Variants in WBP2 observed in about 807,000 individuals in gnomAD.
WBP2 encodes WW domain binding protein 2.
Under a neutral mutation model 33.0 loss-of-function variants are expected in WBP2, and 23 were observed. The ratio of observed to expected loss-of-function variants is 0.70; its 90% CI spans 0.50 to 0.99. The LOEUF is 0.99. Among genes scored for constraint, WBP2 ranks in the 50% least tolerant of loss-of-function variants. WBP2 has a pLI of 0.00. For missense variants in WBP2, 353 were observed against 358.0 expected, an observed-to-expected ratio of 0.99 and a Z score of 0.11; for synonymous variants, 153 against 133.5, an observed-to-expected ratio of 1.15 and a Z score of -1.01.
intron 5 of WBP2, 93 bp downstream of exon 5, chr17:75,847,703 G>C: frequency 6.3e-7 from 1 of 1,578,702 alleles, no homozygotes; most frequent in Non-Finnish European, 8.6e-7. Flanking sequence ...CGTTGGTCCT[G>C]AAGCAGCTCA....
chr17:75,853,028 G>A (rs1019421227), intron 1 of WBP2, among the ~76,000 whole-genome samples: 12 of 151,990 alleles, frequency 7.9e-5, no homozygotes, highest in South Asian at 6.2e-4. Flanking sequence ...GAAGAGTAAC[G>A]TTCACTATTT....
chr17:75,847,895 A>T lies in WBP2; in HGVS notation c.433T>A (p.Tyr145Asn), dbSNP rs565473912. ...TAGGCCCCGCTGGGCATGTAAGAGTAGCCATAGGCTCCACTGGGGACTTCA... is the reference window on the plus strand; with the variant it reads ...TAGGCCCCGCTGGGCATGTAAGAGTTGCCATAGGCTCCACTGGGGACTTCA... Reference protein sequence around the residue: ...RGEVPSGAYGYSYMPSGAYVY... With the variant: ...RGEVPSGAYGNSYMPSGAYVY... Residue 145 changes from tyrosine (Y) to asparagine (N), a missense_variant, in exon 5 of 8, where the codon TAC becomes AAC. By Grantham distance (143) the Tyr-to-Asn change is moderately radical (BLOSUM62 -2). Coordinates refer to ENST00000254806, the MANE Select transcript of WBP2 (RefSeq NM_012478.4). The T allele has an allele frequency of 6.4e-7, 1 of 1,560,542 alleles. No individual in the cohort carries two copies. Among genetic ancestry groups the T allele is most frequent in the East Asian group, 2.4e-5 (1 of 41,428 alleles).
At chr17:75,851,544 C>A in intron 2 of WBP2, 24 bp downstream of exon 2, 1 of 1,578,184 alleles carries the variant, frequency 6.3e-7, no homozygotes, top group South Asian at 1.1e-5. Context: ...GCCTCTCAAC[C>A]AACTGCCCTG....
chr17:75,853,045 T>C (rs965872067), intron 1 of WBP2, among the ~76,000 whole-genome samples: 3 of 152,276 alleles, frequency 2.0e-5, no homozygotes, highest in African/African-American at 7.2e-5. Flanking sequence ...ATTTTAATTA[T>C]AATTTTTTAT....
rs763952469 is a variant in WBP2, at chr17:75,847,817, G to T, written c.511C>A (p.Pro171Thr). ...TCACCAGGTGGGGGCGGTGGATAGGGGTAGCCAGGAGGGCAGGGGTACATT... is the reference window on the plus strand; with the variant it reads ...TCACCAGGTGGGGGCGGTGGATAGGTGTAGCCAGGAGGGCAGGGGTACATT... Reference protein sequence around the residue: ...NGMYPCPPGYPYPPPPPEFYP... With the variant: ...NGMYPCPPGYTYPPPPPEFYP... Residue 171 changes from proline to threonine, a missense_variant, in exon 5 of 8, where the codon CCC becomes ACC. Physicochemically the swap from Pro to Thr is conservative, Grantham distance 38. Coordinates refer to ENST00000254806, the MANE Select transcript of WBP2 (RefSeq NM_012478.4). 3 of 1,558,718 alleles carry T rather than the reference G, an allele frequency of 1.9e-6. No individual in the cohort carries two copies. In the East Asian group the frequency reaches 7.2e-5, roughly 37 times the overall value.
Position 75,851,604 on chromosome 17 carries a change from C to G in WBP2, c.132G>C (p.Gly44=). 3 of 1,613,774 alleles carry G rather than the reference C, an allele frequency of 1.9e-6. No individual in the cohort carries two copies. The highest frequency in any genetic ancestry group is 2.5e-6 in the Non-Finnish European group (3 of 1,179,780). ...TAAGGTAGACAGTGCCTTTCTTGGT[C>G]CCTTTGAAGGCTTCTGGCACGTTCT... ...DMKNVPEAFK[G]TKKGTVYLTP... is the part of the protein sequence containing the mutation. Residue 44 remains glycine (G), a synonymous_variant, in exon 2 of 8, where the codon GGG becomes GGC. Coordinates refer to ENST00000254806, the MANE Select transcript of WBP2 (RefSeq NM_012478.4).
rs2037970903 is a variant in WBP2 at position 75,847,000 on chromosome 17, C to T, written c.656-16G>A. ...TTGGCTTCGGCTGTGAGAGCAAACACACCTGGTGTCGGTGACAAGTTCTCC... is the reference window on the plus strand; with the variant it reads ...TTGGCTTCGGCTGTGAGAGCAAACATACCTGGTGTCGGTGACAAGTTCTCC... On this transcript the variant is annotated splice_polypyrimidine_tract_variant and intron_variant, in intron 6 of 7. Coordinates refer to ENST00000254806, the MANE Select transcript of WBP2 (RefSeq NM_012478.4). The surrounding 1 kb of genome is among the most constrained non-coding windows in gnomAD (Gnocchi z 4.8). 14 of 1,613,968 alleles carry T rather than the reference C, an allele frequency of 8.7e-6. No homozygotes were observed. Among genetic ancestry groups the T allele is most frequent in the Non-Finnish European group, 1.1e-5 (13 of 1,179,950 alleles).
chr17:75,850,174 G>C (rs2065019404), intron 2 of WBP2, among the ~76,000 whole-genome samples: 1 of 152,162 alleles, frequency 6.6e-6, no homozygotes, highest in Admixed American at 6.5e-5. Context: ...ATTGAGGGGG[G>C]CTATAAACAG....
intron 2 of WBP2, 137 bp downstream of exon 2, chr17:75,851,431 G>A (rs2065026707): frequency 1.5e-6 from 1 of 653,834 alleles, no homozygotes; most frequent in Admixed American, 2.2e-5. Flanking sequence ...CAGAGAAACA[G>A]GCAGAGTGAA....
In WBP2 at chr17:75,848,438, G is replaced by A; in HGVS notation, c.397+132C>T. 3.8e-6 allele frequency: 3 copies of A among 799,436 alleles called. No individual in the cohort carries two copies. The South Asian group carries it at 4.6e-5, about 12-fold the overall frequency. The allele number at this position is 799,436 out of a possible 1,614,324, so 49.5% of individuals were successfully genotyped here. On this transcript the variant is annotated intron_variant, in intron 4 of 7. Coordinates refer to ENST00000254806, the MANE Select transcript of WBP2 (RefSeq NM_012478.4). ...GACAGCTTTCCTTCCCAACTCCTAG[G>A]CCTGGTCAGCCTGGTGCCCAAACAC... is the stretch of plus-strand genomic sequence containing the variant.
intron 4 of WBP2, 161 bp from the exon 5 acceptor site, chr17:75,848,091 C>T: frequency 2.0e-6 from 2 of 1,003,958 alleles, no homozygotes; most frequent in East Asian, 2.6e-5. Flanking sequence ...CGGGGGGCCA[C>T]CTTGGTCAGG....
At position 75,848,560 on chromosome 17, in the gene WBP2, G is replaced by T; in HGVS notation, c.397+10C>A. 1 of 1,612,898 alleles carries T rather than the reference G, an allele frequency of 6.2e-7. No individual in the cohort carries two copies. The highest frequency in any genetic ancestry group is 8.5e-7 in the Non-Finnish European group (1 of 1,179,176). ...GTGTCTTTAGCCCCTAATCTTCGGA[G>T]CCTGGATACCTTGAGATGCCACCTG... On this transcript the variant is annotated intron_variant, in intron 4 of 7. Coordinates refer to ENST00000254806, the MANE Select transcript of WBP2 (RefSeq NM_012478.4).
At chr17:75,848,036 C>T (rs1261178356) in intron 4 of WBP2, 106 bp from the exon 5 acceptor site, 9 of 1,417,378 alleles carry the variant, frequency 6.3e-6, no homozygotes, top group Non-Finnish European at 8.7e-6. Flanking sequence ...GGAATGTGCC[C>T]CGCAGACATC....
At chr17:75,855,440 C>T (rs2065053118), upstream of WBP2, 1 of 823,218 alleles carries the variant, frequency 1.2e-6, no homozygotes, top group Admixed American at 2.1e-5. Flanking sequence ...ACCCGAACGT[C>T]ACGTGGTAAT....
At chr17:75,849,466 G>T in intron 3 of WBP2, 138 bp downstream of exon 3, 2 of 1,106,954 alleles carry the variant, frequency 1.8e-6, no homozygotes, top group Non-Finnish European at 1.3e-6. Flanking sequence ...AACCCCACCA[G>T]CTGGCAGCCC....
chr17:75,854,043 TAAAAAAA>T (rs55857053), intron 1 of WBP2, among the ~76,000 whole-genome samples: 9 of 55,456 alleles, frequency 1.6e-4, no homozygotes, highest in South Asian at 7.4e-4. Context: ...AGCCTCCATC[TAAAAAAA>T]AAAAAAAAAA....
At chr17:75,854,290 G>A (rs1306547977) in intron 1 of WBP2, among the ~76,000 whole-genome samples, 1 of 152,126 alleles carries the variant, frequency 6.6e-6, no homozygotes. Flanking sequence ...GGGGACTCAG[G>A]TGCCTCCTAA....
intron 2 of WBP2, among the ~76,000 whole-genome samples, chr17:75,850,063 G>A (rs1365116108): frequency 6.6e-6 from 1 of 152,110 alleles, no homozygotes; most frequent in Admixed American, 6.6e-5. Context: ...GCTAGGGAAG[G>A]ACAGGCAGAG....
At position 75,846,405 on chromosome 17, in the gene WBP2, G is replaced by C; in HGVS notation, c.*329C>G. On this transcript the variant is annotated 3_prime_UTR_variant, in exon 8 of 8. Transcript: ENST00000254806. This position sits in a 1 kb window ranked among gnomAD's most constrained non-coding sequence, Gnocchi z 4.8. ...TGCCAGACTGAGGGAGCTGGACTGC[G>C]GTGGAGGAGGTGGCCAGAGAGTCCC... is the stretch of plus-strand genomic sequence containing the variant. 1 of 415,654 alleles carries C rather than the reference G, an allele frequency of 2.4e-6. No homozygotes were observed. The highest frequency in any genetic ancestry group is 4.5e-6 in the Non-Finnish European group (1 of 224,222). 25.7% of individuals were successfully genotyped at this position (415,654 alleles called of 1,614,324 possible).
Sources: gnomAD v4.1 joint callset for allele counts (sites outside exome capture counted in the v4.1 genomes callset) on GRCh38, gnomAD v4.1.1 for gene constraint, Gnocchi (gnomAD v3.1) non-coding constraint, MANE v1.5 for transcripts, NCBI Gene and HGNC (gene_info 2026-07-23, HGNC 2026-07-21) for gene names.